TAS2R1: variants seen among roughly 807,000 people sequenced by gnomAD.
TAS2R1 encodes taste 2 receptor member 1, also known as taste receptor type 2 member 1.
For synonymous variants in TAS2R1, 141 were observed against 134.2 expected (o/e 1.05, Z -0.35); for missense variants, 370 against 353.4 (o/e 1.05, Z -0.38).
chr5:9,676,936 C>T (rs369304190), intron 1 of TAS2R1, among the ~76,000 whole-genome samples: 15 of 152,174 alleles, frequency 9.9e-5, no homozygotes, highest in African/African-American at 3.1e-4. Context: ...AATTATTCTA[C>T]CATAAAGACA....
the TAS2R1 span, among the ~76,000 whole-genome samples, chr5:9,801,238 C>A: frequency 2.0e-5 from 3 of 152,216 alleles, no homozygotes; most frequent in African/African-American, 7.2e-5. Context: ...AAAAAGGCAG[C>A]CATCTGCAGG....
the TAS2R1 span, among the ~76,000 whole-genome samples, chr5:9,830,833 T>C: frequency 6.6e-6 from 1 of 152,216 alleles, no homozygotes; most frequent in African/African-American, 2.4e-5. Context: ...ACAAAGATCA[T>C]CCAGTTTGAC....
chr5:9,851,229 C>G, the TAS2R1 span, among the ~76,000 whole-genome samples: 1 of 152,106 alleles, frequency 6.6e-6, no homozygotes, highest in African/African-American at 2.4e-5. Context: ...TTATTGATAA[C>G]CTAGTTGCAG....
intron 2 of TAS2R1, among the ~76,000 whole-genome samples, chr5:9,651,070 A>G (rs1206947637): frequency 1.3e-5 from 2 of 152,164 alleles, no homozygotes; most frequent in African/African-American, 2.4e-5. Context: ...GATTTCTTCT[A>G]CCTGCTTCTG....
chr5:9,702,604 A>G (rs1019817555), intron 1 of TAS2R1, among the ~76,000 whole-genome samples: 1 of 152,206 alleles, frequency 6.6e-6, no homozygotes, highest in African/African-American at 2.4e-5. Context: ...CTATGAGTTA[A>G]ATAGTTACTG....
At chr5:9,663,195 G>A (rs529986874) in intron 1 of TAS2R1, among the ~76,000 whole-genome samples, 2 of 152,184 alleles carry the variant, frequency 1.3e-5, no homozygotes, top group South Asian at 4.2e-4. Flanking sequence ...TGCAAAAAAA[G>A]ATGATTCTAC....
the TAS2R1 span, among the ~76,000 whole-genome samples, chr5:9,747,310 T>C: frequency 6.6e-6 from 1 of 152,144 alleles, no homozygotes; most frequent in Non-Finnish European, 1.5e-5. Context: ...TTTGAGGTGC[T>C]ATACAGGAAC....
At chr5:9,868,846 G>A in the TAS2R1 span, among the ~76,000 whole-genome samples, 1 of 152,168 alleles carries the variant, frequency 6.6e-6, no homozygotes, top group Non-Finnish European at 1.5e-5. Context: ...AAGTTTCACA[G>A]ATCTCTAGGG....
chr5:9,663,281 C>A (rs552258674), intron 1 of TAS2R1, among the ~76,000 whole-genome samples: 1 of 152,222 alleles, frequency 6.6e-6, no homozygotes, highest in Non-Finnish European at 1.5e-5. Flanking sequence ...CTAAAATTGT[C>A]TGACTCAACT....
At chr5:9,770,230 G>C in the TAS2R1 span, among the ~76,000 whole-genome samples, 1 of 152,012 alleles carries the variant, frequency 6.6e-6, no homozygotes, top group East Asian at 1.9e-4. Flanking sequence ...AAATGTATGG[G>C]TTTGTTTCCA....
At chr5:9,725,924 G>A in the TAS2R1 span, among the ~76,000 whole-genome samples, 4 of 149,276 alleles carry the variant, frequency 2.7e-5, no homozygotes, top group East Asian at 3.9e-4. Flanking sequence ...TTCTGGTGGG[G>A]CCTTGGAGAA....
chr5:9,852,585 G>A, the TAS2R1 span, among the ~76,000 whole-genome samples: 1 of 152,234 alleles, frequency 6.6e-6, no homozygotes, highest in Non-Finnish European at 1.5e-5. Flanking sequence ...TTTGGAGGTG[G>A]GATATGTTAA....
chr5:9,785,212 T>C, the TAS2R1 span, among the ~76,000 whole-genome samples: 1 of 152,220 alleles, frequency 6.6e-6, no homozygotes, highest in Non-Finnish European at 1.5e-5. Flanking sequence ...CATATGCTTC[T>C]ATTTACTCAA....
chr5:9,722,206 C>T, the TAS2R1 span, among the ~76,000 whole-genome samples: 2 of 152,192 alleles, frequency 1.3e-5, no homozygotes, highest in African/African-American at 4.8e-5. Context: ...CCAAGAGGAC[C>T]CCCCACAGGG....
the TAS2R1 span, among the ~76,000 whole-genome samples, chr5:9,819,124 C>T: frequency 6.6e-6 from 1 of 152,170 alleles, no homozygotes; most frequent in Non-Finnish European, 1.5e-5. Flanking sequence ...GGTAGATAAA[C>T]AGGGTTTGAT....
chr5:9,819,165 C>A, the TAS2R1 span, among the ~76,000 whole-genome samples: 1 of 152,138 alleles, frequency 6.6e-6, no homozygotes, highest in Non-Finnish European at 1.5e-5. Flanking sequence ...AGCCATTATA[C>A]AACCTCAGAT....
intron 1 of TAS2R1, among the ~76,000 whole-genome samples, chr5:9,687,650 G>T (rs1224519785): frequency 6.6e-6 from 1 of 151,972 alleles, no homozygotes; most frequent in South Asian, 2.1e-4. Context: ...CCGTACTCCC[G>T]TCAGAGGAAA....
rs150640391 is a variant in TAS2R1, at chr5:9,703,623, C to A, written c.-242+8549G>T. 3.6e-3 allele frequency among the ~76,000 whole-genome samples: 547 copies of A among 152,210 alleles called. 3 individuals carry two copies. The highest frequency in any genetic ancestry group is 0.012 in the African/African-American group (517 of 41,536). On this transcript the variant is annotated intron_variant, in intron 1 of 2. Transcript: ENST00000506620. ...ATCCCCGGTAAGCTATGAGGACCAGCCTTTGAGTGGAACTTAAATGGCCAC... is the reference window on the plus strand; with the variant it reads ...ATCCCCGGTAAGCTATGAGGACCAGACTTTGAGTGGAACTTAAATGGCCAC...
At chr5:9,794,442 G>A in the TAS2R1 span, among the ~76,000 whole-genome samples, 36,744 of 151,974 alleles carry the variant, frequency 0.24, 5,111 homozygotes, top group Middle Eastern at 0.42. Context: ...CAGTTTACAC[G>A]TTTGAGTGCT....
Sources: allele counts gnomAD v4.1 joint callset (sites outside exome capture counted in the v4.1 genomes callset), GRCh38; gene constraint gnomAD v4.1.1; transcripts MANE v1.5; gene names NCBI Gene and HGNC (gene_info 2026-07-23, HGNC 2026-07-21).